TANC1: variants seen among roughly 807,000 people sequenced by gnomAD.
TANC1 encodes protein TANC1.
Under a neutral mutation model 149.7 loss-of-function variants are expected in TANC1, and 77 were observed. That is an observed-to-expected ratio of 0.51 (90% confidence interval 0.43 to 0.62). The LOEUF (loss-of-function observed/expected upper bound fraction) is 0.62. Among genes scored for constraint, TANC1 ranks in the 20% least tolerant of loss-of-function variants. The pLI is 0.00. For missense variants in TANC1, 1,985 were observed against 2,321.8 expected, an observed-to-expected ratio of 0.85 and a Z score of 2.98; for synonymous variants, 854 against 925.0, an observed-to-expected ratio of 0.92 and a Z score of 1.39.
Position 159,229,929 on chromosome 2 carries a change from G to T in TANC1, c.4503G>T (p.Pro1501=). 1 of 1,614,060 alleles carries T rather than the reference G, an allele frequency of 6.2e-7. No individual in the cohort carries two copies. Among genetic ancestry groups the T allele is most frequent in the Non-Finnish European group, 8.5e-7 (1 of 1,180,032 alleles). The change falls in exon 27 of 27, where the codon CCG becomes CCT. Residue 1501 remains proline (P), a synonymous_variant. Transcript: ENST00000263635. ...AAGGGTTACAGTCCAAAGGAAGGCC[G>T]GTATCGCCACAGAGCAGGGCAGGAA... ...LQEGLQSKGR[P]VSPQSRAGIG...
At chr2:159,192,275 G>T (rs954044913) in intron 16 of TANC1, among the ~76,000 whole-genome samples, 14 of 151,950 alleles carry the variant, frequency 9.2e-5, no homozygotes, top group Non-Finnish European at 1.9e-4. Flanking sequence ...TTTACTTTTG[G>T]CCTTATCTCA....
chr2:158,993,265 CTGTTT>C (rs926389212), intron 1 of TANC1, among the ~76,000 whole-genome samples: 6 of 152,020 alleles, frequency 3.9e-5, no homozygotes, highest in Admixed American at 2.0e-4. Context: ...GTTTTTTGTT[CTGTTT>C]TGTTTGTTTT....
At position 159,094,997 on chromosome 2, in the gene TANC1, G is replaced by A. The variant is rs1427491426; in HGVS notation, c.62-2640G>A. On this transcript the variant is annotated intron_variant, in intron 3 of 26. Transcript: ENST00000263635. ...GTCTCGCACTGTTGCCCGAGCTAGA[G>A]TGCAGTGGTGTGATCTCGGCTCACT... Among the ~76,000 whole-genome samples the A allele has an allele frequency of 2.0e-5, 3 of 151,932 alleles. No individual in the cohort carries two copies. In the East Asian group the frequency reaches 5.8e-4, roughly 29 times the overall value.
chr2:159,171,320 G>A (rs115798570), intron 10 of TANC1, among the ~76,000 whole-genome samples: 4 of 152,298 alleles, frequency 2.6e-5, no homozygotes, highest in African/African-American at 9.6e-5. Flanking sequence ...TGAATCATGC[G>A]AGATTTTTAA....
chr2:159,170,273 C>G (rs77240304), intron 9 of TANC1, among the ~76,000 whole-genome samples: 11 of 152,258 alleles, frequency 7.2e-5, no homozygotes, highest in African/African-American at 1.7e-4. Context: ...GAGAATAATT[C>G]AAAGCCATGA....
At chr2:158,993,808 C>A (rs1257456965) in intron 1 of TANC1, among the ~76,000 whole-genome samples, 1 of 152,024 alleles carries the variant, frequency 6.6e-6, no homozygotes, top group East Asian at 1.9e-4. Flanking sequence ...AAAGTCATCT[C>A]CTGGTTTGTC....
intron 14 of TANC1, among the ~76,000 whole-genome samples, chr2:159,181,519 A>C (rs2056474071): frequency 6.6e-6 from 1 of 152,006 alleles, no homozygotes; most frequent in Non-Finnish European, 1.5e-5. Context: ...GGATGGTCTC[A>C]ATCTCCTGAC....
intron 2 of TANC1, among the ~76,000 whole-genome samples, chr2:159,062,322 T>C (rs776978860): frequency 6.6e-6 from 1 of 152,238 alleles, no homozygotes; most frequent in Non-Finnish European, 1.5e-5. Context: ...TTTTATCCTA[T>C]GATACTTATC....
chr2:159,153,198 A>G (rs1025044040), intron 7 of TANC1, among the ~76,000 whole-genome samples: 1 of 152,242 alleles, frequency 6.6e-6, no homozygotes, highest in African/African-American at 2.4e-5. Flanking sequence ...CGTTCAGTTT[A>G]TAAAGAAGCT....
Position 159,217,584 on chromosome 2 carries a change from G to A in TANC1, c.3332G>A (p.Arg1111Lys). The A allele has an allele frequency of 1.9e-6, 3 of 1,614,254 alleles. No homozygotes were observed. The highest frequency in any genetic ancestry group is 2.5e-6 in the Non-Finnish European group (3 of 1,180,044). ...HGAAVSRTNR[R>K]GVPPLFCAAR... is the part of the protein sequence containing the mutation. ...GCTGCTGTGTCGCGGACAAACAGGAGAGGGGTTCCACCTTTGTTTTGTGCA... is the reference window on the plus strand; with the variant it reads ...GCTGCTGTGTCGCGGACAAACAGGAAAGGGGTTCCACCTTTGTTTTGTGCA... The change falls in exon 20 of 27, where the codon AGA becomes AAA. Residue 1111 changes from arginine to lysine, a missense_variant. Coordinates refer to ENST00000263635, the MANE Select transcript of TANC1 (RefSeq NM_033394.3).
intron 16 of TANC1, 80 bp from the exon 17 acceptor site, chr2:159,194,177 A>G: frequency 8.7e-7 from 1 of 1,144,058 alleles, no homozygotes; most frequent in Non-Finnish European, 1.3e-6. Context: ...ATGATACCGA[A>G]AATTGAGGAT....
Position 159,185,912 on chromosome 2 carries a change from C to T in TANC1, c.2619+13C>T. On this transcript the variant is annotated intron_variant, in intron 15 of 26. Coordinates refer to ENST00000263635, the MANE Select transcript of TANC1 (RefSeq NM_033394.3). ...GCACATTTTCAAGGTGAGATGCACA[C>T]CAACTTGGGGAAGGGTTTCTTTGTT... is the stretch of plus-strand genomic sequence containing the variant. The T allele has an allele frequency of 3.8e-6, 6 of 1,572,224 alleles. No homozygotes were observed. Among genetic ancestry groups the T allele is most frequent in the Non-Finnish European group, 5.3e-6 (6 of 1,142,066 alleles).
chr2:159,034,004 A>G (rs1033196537), intron 2 of TANC1, among the ~76,000 whole-genome samples: 2 of 152,394 alleles, frequency 1.3e-5, no homozygotes, highest in South Asian at 4.1e-4. Flanking sequence ...AGGTGAAATC[A>G]TAGTGGCAAA....
At chr2:159,023,860 C>T (rs561659542) in intron 2 of TANC1, among the ~76,000 whole-genome samples, 3 of 151,716 alleles carry the variant, frequency 2.0e-5, no homozygotes, top group Non-Finnish European at 2.9e-5. Flanking sequence ...CCCAGCTACT[C>T]GAGAGGCTGA....
chr2:159,230,471 T>G lies in TANC1; in HGVS notation c.5045T>G (p.Leu1682Trp), dbSNP rs1415538918. ...SIKMSSSTSS[L>W]TSSSSFSDGF... is the part of the protein sequence containing the mutation. ...AAGATGTCAAGTTCAACCAGTAGTT[T>G]GACTTCGAGCAGCAGTTTTTCAGAT... The change falls in exon 27 of 27, where the codon TTG becomes TGG. Residue 1682 changes from leucine (L) to tryptophan (W), a missense_variant. Transcript: ENST00000263635. The surrounding 1 kb of genome is among the most constrained non-coding windows in gnomAD (Gnocchi z 4.4). 1.2e-6 allele frequency: 2 copies of G among 1,614,074 alleles called. No individual in the cohort carries two copies. Among genetic ancestry groups the G allele is most frequent in the South Asian group, 2.2e-5 (2 of 91,094 alleles).
Position 159,227,951 on chromosome 2 carries a change from C to G in TANC1, c.4036C>G (p.Arg1346Gly). The G allele has an allele frequency of 6.2e-7, 1 of 1,612,506 alleles. No homozygotes were observed. The highest frequency in any genetic ancestry group is 2.2e-5 in the East Asian group (1 of 44,854). ...CCTCTATCTCAATTTGTCGCGATGC[C>G]GAAGAAAAACAAATGTAAGCTGTGC... ...VSLYLNLSRC[R>G]RKTNDFGMAE... is the part of the protein sequence containing the mutation. The change falls in exon 25 of 27, where the codon CGA becomes GGA. Residue 1346 changes from arginine (R) to glycine (G), a missense_variant. This residue lies in a region of TANC1 where 920 missense variants were observed against 994.7 expected (regional missense o/e 0.92). Coordinates refer to ENST00000263635, the MANE Select transcript of TANC1 (RefSeq NM_033394.3).
At chr2:159,135,649 T>C (rs962215205) in intron 4 of TANC1, among the ~76,000 whole-genome samples, 2 of 152,270 alleles carry the variant, frequency 1.3e-5, no homozygotes, top group African/African-American at 2.4e-5. Context: ...GCACAGTTAC[T>C]GTGCGTCACC....
chr2:159,163,304 A>C lies in TANC1; in HGVS notation c.704A>C (p.Glu235Ala), dbSNP rs2054240679. The C allele has an allele frequency of 5.0e-6, 8 of 1,613,494 alleles. No individual in the cohort carries two copies. The highest frequency in any genetic ancestry group is 6.8e-6 in the Non-Finnish European group (8 of 1,179,696). ...TCAGCCACAATTACAAGTTCATCCG[A>C]AAATGATGACCGGAGTGGCTCCAGT... is the stretch of plus-strand genomic sequence containing the variant. ...GIIATITSSS[E>A]NDDRSGSSLE... Residue 235 changes from glutamate (E) to alanine (A), a missense_variant, in exon 8 of 27, where the codon GAA (glutamate) becomes GCA (alanine). By Grantham distance (107) the Glu-to-Ala change is moderately radical. Coordinates refer to ENST00000263635, the MANE Select transcript of TANC1 (RefSeq NM_033394.3).
chr2:159,046,600 T>TAC, intron 2 of TANC1, among the ~76,000 whole-genome samples: 1 of 61,032 alleles, frequency 1.6e-5, no homozygotes, highest in Non-Finnish European at 5.7e-5. Flanking sequence ...TTTTTTTTTT[T>TAC]TTTTTTTTTT....
Sources: allele counts gnomAD v4.1 joint callset (sites outside exome capture counted in the v4.1 genomes callset), GRCh38; gene constraint gnomAD v4.1.1; regional missense constraint gnomAD v4.1.1; non-coding constraint Gnocchi (gnomAD v3.1); transcripts MANE v1.5; gene names NCBI Gene and HGNC (gene_info 2026-07-23, HGNC 2026-07-21).